Variants in NRG3 observed in about 807,000 individuals in gnomAD.
NRG3 encodes the protein pro-neuregulin-3, membrane-bound isoform.
A neutral mutation model predicts 66.9 loss-of-function variants in NRG3; 31 were observed. The ratio of observed to expected loss-of-function variants is 0.46; its 90% CI spans 0.35 to 0.63. The LOEUF is 0.63. NRG3 is among the 20% of genes least tolerant of loss of function. The pLI, the probability that NRG3 is intolerant of heterozygous loss-of-function variation, is 0.00. For missense variants in NRG3, 910 were observed against 878.9 expected (o/e 1.04, Z -0.45); for synonymous variants, 393 against 359.4 (o/e 1.09, Z -1.06).
At chr10:82,566,805 TA>T (rs972075193) in intron 2 of NRG3, among the ~76,000 whole-genome samples, 1 of 151,984 alleles carries the variant, frequency 6.6e-6, no homozygotes, top group Admixed American at 6.6e-5. Context: ...TTTTTCTAAA[TA>T]AAAAAATAGT....
chr10:82,224,442 T>G (rs1032450534), intron 1 of NRG3: 3 of 152,222 alleles, frequency 2.0e-5, no homozygotes, highest in African/African-American at 7.2e-5. Flanking sequence ...ACTAGTAGTA[T>G]AGCTGTGTTC....
At chr10:82,176,908 C>A (rs111616009) in intron 1 of NRG3, among the ~76,000 whole-genome samples, 3 of 150,864 alleles carry the variant, frequency 2.0e-5, no homozygotes, top group African/African-American at 7.4e-5. Flanking sequence ...CACACACAAA[C>A]ACACACACAC....
intron 3 of NRG3, among the ~76,000 whole-genome samples, chr10:82,800,936 G>T (rs779623208): frequency 6.6e-6 from 1 of 152,166 alleles, no homozygotes; most frequent in African/African-American, 2.4e-5. Flanking sequence ...TCCTAAGACT[G>T]CCTAATTAAG....
chr10:82,671,872 A>T (rs986676375), intron 2 of NRG3, among the ~76,000 whole-genome samples: 2 of 152,244 alleles, frequency 1.3e-5, no homozygotes, highest in Admixed American at 1.3e-4. Flanking sequence ...ACATCTATTT[A>T]TCACAGGCAA....
At chr10:82,946,748 A>G (rs1849063658) in intron 4 of NRG3, among the ~76,000 whole-genome samples, 1 of 152,134 alleles carries the variant, frequency 6.6e-6, no homozygotes, top group South Asian at 2.1e-4. Flanking sequence ...ATACACACAT[A>G]TTCATTCATA....
At chr10:82,435,302 A>AT (rs1445156289) in intron 2 of NRG3, among the ~76,000 whole-genome samples, 1 of 151,864 alleles carries the variant, frequency 6.6e-6, no homozygotes, top group African/African-American at 2.4e-5. Context: ...CCCCTTTATC[A>AT]TTTTTTATTG....
At chr10:82,446,949 C>G (rs1030980125) in intron 2 of NRG3, among the ~76,000 whole-genome samples, 2 of 152,152 alleles carry the variant, frequency 1.3e-5, no homozygotes, top group African/African-American at 4.8e-5. Context: ...CTCCCAGAAA[C>G]AGTAGATGGT....
chr10:82,229,318 G>A (rs1462736972), intron 1 of NRG3: 1 of 152,146 alleles, frequency 6.6e-6, no homozygotes, highest in Non-Finnish European at 1.5e-5. Context: ...ATTCCCAAAT[G>A]TATTACTAAA....
chr10:82,886,997 C>A (rs1322832606), intron 4 of NRG3, among the ~76,000 whole-genome samples: 2 of 152,196 alleles, frequency 1.3e-5, no homozygotes, highest in Non-Finnish European at 2.9e-5. Context: ...GATGCATTAT[C>A]ACAGAAGCAG....
At chr10:82,153,501 G>T (rs2070945426) in intron 1 of NRG3, among the ~76,000 whole-genome samples, 1 of 151,616 alleles carries the variant, frequency 6.6e-6, no homozygotes, top group Non-Finnish European at 1.5e-5. Context: ...CTTGGCTAAT[G>T]TGTATAATGC....
chr10:82,049,259 A>G (rs1017996869), intron 1 of NRG3, among the ~76,000 whole-genome samples: 3 of 152,066 alleles, frequency 2.0e-5, no homozygotes, highest in Admixed American at 1.3e-4. Context: ...CTTATTTTTT[A>G]GATTTGGATG....
At chr10:82,063,607 T>C (rs1399037940) in intron 1 of NRG3, among the ~76,000 whole-genome samples, 2 of 151,662 alleles carry the variant, frequency 1.3e-5, no homozygotes, top group African/African-American at 2.4e-5. Context: ...TATAGCATTA[T>C]TGGTAGAGGT....
At chr10:82,848,642 G>A (rs567224075) in intron 3 of NRG3, among the ~76,000 whole-genome samples, 1 of 152,096 alleles carries the variant, frequency 6.6e-6, no homozygotes, top group Non-Finnish European at 1.5e-5. Flanking sequence ...TTTGGGAAGG[G>A]TGGTAGGCAG....
chr10:82,558,893 G>A (rs1032490752), intron 2 of NRG3, among the ~76,000 whole-genome samples: 2 of 151,992 alleles, frequency 1.3e-5, no homozygotes, highest in Non-Finnish European at 2.9e-5. Context: ...TTCTACAAAG[G>A]AAAGTGCTCT....
At chr10:82,298,870 T>C (rs2080228787) in intron 1 of NRG3, among the ~76,000 whole-genome samples, 1 of 152,184 alleles carries the variant, frequency 6.6e-6, no homozygotes, top group Non-Finnish European at 1.5e-5. Context: ...GTAGATTCCA[T>C]CTTCTCATAC....
At chr10:82,220,621 C>G (rs1347488877) in intron 1 of NRG3, among the ~76,000 whole-genome samples, 3 of 152,040 alleles carry the variant, frequency 2.0e-5, no homozygotes, top group Admixed American at 1.3e-4. Flanking sequence ...GCAAAAAACT[C>G]CAAAATATCA....
intron 1 of NRG3, among the ~76,000 whole-genome samples, chr10:82,125,417 A>G (rs2068377307): frequency 6.6e-6 from 1 of 152,064 alleles, no homozygotes. Context: ...ACCTTACTCA[A>G]TTCTAAGTGG....
intron 2 of NRG3, among the ~76,000 whole-genome samples, chr10:82,644,215 G>C (rs2050784101): frequency 6.6e-6 from 1 of 152,038 alleles, no homozygotes; most frequent in Non-Finnish European, 1.5e-5. Flanking sequence ...ACTTTCAGAG[G>C]TACCTGATTC....
At chr10:82,249,394 C>T (rs1238248163) in intron 1 of NRG3, among the ~76,000 whole-genome samples, 1 of 152,148 alleles carries the variant, frequency 6.6e-6, no homozygotes, top group Non-Finnish European at 1.5e-5. Flanking sequence ...CCCAGTTGGT[C>T]ACCAGGAATA....
Sources: gnomAD v4.1 joint callset for allele counts (sites outside exome capture counted in the v4.1 genomes callset) on GRCh38, gnomAD v4.1.1 for gene constraint, MANE v1.5 for transcripts, NCBI Gene and HGNC (gene_info 2026-07-23, HGNC 2026-07-21) for gene names.